The following GFOD1 variants were observed in gnomAD, a reference collection of about 807,000 sequenced individuals.
The protein encoded by GFOD1 is glucose-fructose oxidoreductase domain-containing protein 1.
Under a neutral mutation model 25.4 loss-of-function variants are expected in GFOD1, and 9 were observed. That is an observed-to-expected ratio of 0.35 (90% CI 0.21 to 0.62). GFOD1 has a LOEUF of 0.62. Among genes scored for constraint, GFOD1 ranks in the 20% least tolerant of loss-of-function variants. GFOD1 has a pLI of 0.72. For missense variants in GFOD1, 403 were observed against 556.9 expected (o/e 0.72, Z 2.78); for synonymous variants, 253 against 245.6 (o/e 1.03, Z -0.28).
intron 1 of GFOD1, chr6:13,407,978 C>G: frequency 1.0e-6 from 1 of 985,432 alleles, no homozygotes; most frequent in Non-Finnish European, 1.2e-6. Flanking sequence ...CTTCTTGGGT[C>G]AGCACCCAAA....
At chr6:13,397,096 A>G (rs1785747474) in intron 1 of GFOD1, among the ~76,000 whole-genome samples, 1 of 152,140 alleles carries the variant, frequency 6.6e-6, no homozygotes, top group African/African-American at 2.4e-5. Flanking sequence ...AAGGGACAAG[A>G]GCACCCAGAA....
At chr6:13,393,770 T>TC (rs1785665699) in intron 1 of GFOD1, among the ~76,000 whole-genome samples, 1 of 131,824 alleles carries the variant, frequency 7.6e-6, no homozygotes, top group Non-Finnish European at 1.7e-5. Flanking sequence ...GCCAATTTCT[T>TC]TTTTCTTTTC....
chr6:13,481,450 G>A (rs543084573), intron 1 of GFOD1, among the ~76,000 whole-genome samples: 4 of 152,362 alleles, frequency 2.6e-5, no homozygotes, highest in African/African-American at 9.6e-5. Flanking sequence ...TCCAAGAAGT[G>A]GGAGAGATGG....
intron 1 of GFOD1, among the ~76,000 whole-genome samples, chr6:13,375,540 G>C (rs996940561): frequency 6.6e-6 from 1 of 152,236 alleles, no homozygotes; most frequent in Non-Finnish European, 1.5e-5. Flanking sequence ...CTCATATTCA[G>C]CTCCTGTGTT....
chr6:13,382,977 T>C (rs1301028508), intron 1 of GFOD1, among the ~76,000 whole-genome samples: 2 of 152,222 alleles, frequency 1.3e-5, no homozygotes, highest in African/African-American at 2.4e-5. Flanking sequence ...GCTCCATCCA[T>C]GTCCCTGCAA....
intron 1 of GFOD1, among the ~76,000 whole-genome samples, chr6:13,423,969 C>T (rs974211186): frequency 2.0e-5 from 3 of 152,152 alleles, no homozygotes; most frequent in Non-Finnish European, 4.4e-5. Flanking sequence ...AGTGATTCTC[C>T]TGCCTCGGCC....
chr6:13,380,756 G>T (rs773225907), intron 1 of GFOD1, among the ~76,000 whole-genome samples: 3 of 152,146 alleles, frequency 2.0e-5, no homozygotes, highest in Non-Finnish European at 2.9e-5. Flanking sequence ...CTCACTTTTG[G>T]TTGCAAGCTG....
chr6:13,387,206 G>C (rs1785492007), intron 1 of GFOD1, among the ~76,000 whole-genome samples: 1 of 152,158 alleles, frequency 6.6e-6, no homozygotes, highest in Non-Finnish European at 1.5e-5. Context: ...ATGTTTACAT[G>C]AGCATCCAAG....
chr6:13,486,641 G>A lies in GFOD1; in HGVS notation c.250C>T (p.Leu84=), dbSNP rs1758878697. 6.2e-7 allele frequency: 1 copy of A among 1,613,870 alleles called. No individual in the cohort carries two copies. Among genetic ancestry groups the A allele is most frequent in the Non-Finnish European group, 8.5e-7 (1 of 1,179,934 alleles). The change falls in exon 1 of 2, where the codon CTA becomes TTA. Residue 84 remains leucine, a synonymous_variant. Transcript: ENST00000379287. ...ATGCGGGGTAGGGGTCGCTCACCTA[G>A]GGTTTTGACAGCGATCTGTCTGGTG... The part of the protein sequence containing the change: ...PLTRQIAVKT[L]GIGKNVICDR...
At chr6:13,392,458 CT>C (rs545656009) in intron 1 of GFOD1, among the ~76,000 whole-genome samples, 173 of 146,980 alleles carry the variant, frequency 1.2e-3, no homozygotes, top group African/African-American at 3.2e-3. Flanking sequence ...TTCTTAATTA[CT>C]TTTTTTTTTA....
At chr6:13,484,383 G>GT (rs1353441754) in intron 1 of GFOD1, among the ~76,000 whole-genome samples, 1 of 152,126 alleles carries the variant, frequency 6.6e-6, no homozygotes, top group African/African-American at 2.4e-5. Context: ...ACTGTTTGGG[G>GT]TTTTTCACTT....
intron 1 of GFOD1, among the ~76,000 whole-genome samples, chr6:13,423,513 C>T (rs941202711): frequency 6.6e-6 from 1 of 152,222 alleles, no homozygotes; most frequent in Non-Finnish European, 1.5e-5. Context: ...GATAGTTGGT[C>T]TGTTCATTGA....
At chr6:13,421,226 G>A (rs1359338541) in intron 1 of GFOD1, among the ~76,000 whole-genome samples, 2 of 152,196 alleles carry the variant, frequency 1.3e-5, no homozygotes, top group Non-Finnish European at 2.9e-5. Flanking sequence ...GTTCGCTCAT[G>A]CTTGTAATCC....
intron 1 of GFOD1, among the ~76,000 whole-genome samples, chr6:13,370,687 C>CTG (rs1013927492): frequency 2.8e-5 from 4 of 144,916 alleles, no homozygotes; most frequent in East Asian, 2.1e-4. Flanking sequence ...TAGTCAGACA[C>CTG]TGTGTGTGTG....
rs1448041809 is a variant in GFOD1 at position 13,365,658 on chromosome 6, G to A, written c.258C>T (p.Ile86=). 4.4e-6 allele frequency: 7 copies of A among 1,591,972 alleles called. No homozygotes were observed. Among genetic ancestry groups the A allele is most frequent in the Admixed American group, 1.7e-5 (1 of 59,884 alleles). Residue 86 remains isoleucine (I), a synonymous_variant, in exon 2 of 2, where the codon ATC becomes ATT. Coordinates refer to ENST00000379287, the MANE Select transcript of GFOD1 (RefSeq NM_018988.4). This position sits in a 1 kb window ranked among gnomAD's most constrained non-coding sequence, Gnocchi z 9.2. Reference sequence around the variant, plus strand: ...TGCGGTCGCAGATGACGTTCTTGCCGATGCCTGCGGGTGGGAGGAAGACAG... The same window carrying A: ...TGCGGTCGCAGATGACGTTCTTGCCAATGCCTGCGGGTGGGAGGAAGACAG... ...TRQIAVKTLG[I]GKNVICDRTA...
chr6:13,415,612 A>G (rs1355420498), intron 1 of GFOD1, among the ~76,000 whole-genome samples: 1 of 152,170 alleles, frequency 6.6e-6, no homozygotes, highest in African/African-American at 2.4e-5. Flanking sequence ...GTTTGGGTTA[A>G]GTTCCACAGG....
At chr6:13,446,473 C>T (rs1758004943) in intron 1 of GFOD1, among the ~76,000 whole-genome samples, 1 of 152,142 alleles carries the variant, frequency 6.6e-6, no homozygotes, top group Non-Finnish European at 1.5e-5. Context: ...GGATCCACAT[C>T]CTGAAAAGCC....
At chr6:13,410,578 G>GAGAA (rs2127565973) in intron 1 of GFOD1, among the ~76,000 whole-genome samples, 1 of 846 alleles carries the variant, frequency 1.2e-3, no homozygotes, top group Admixed American at 0.045. Context: ...AGAAAGAAAG[G>GAGAA]AGAGAGAGAG....
At chr6:13,369,353 A>G (rs546887234) in intron 1 of GFOD1, among the ~76,000 whole-genome samples, 8 of 152,234 alleles carry the variant, frequency 5.3e-5, no homozygotes, top group Non-Finnish European at 1.2e-4. Context: ...CTTCTTGCCC[A>G]AAGATAGTTT....
Sources: gnomAD v4.1 joint callset for allele counts (sites outside exome capture counted in the v4.1 genomes callset) on GRCh38, gnomAD v4.1.1 for gene constraint, Gnocchi (gnomAD v3.1) non-coding constraint, MANE v1.5 for transcripts, NCBI Gene and HGNC (gene_info 2026-07-23, HGNC 2026-07-21) for gene names.